Variants in DHX57 observed in about 807,000 individuals in gnomAD.
DHX57 encodes the protein DExH-box helicase 57.
In DHX57, 105 loss-of-function variants were observed where a neutral mutation model predicts 156.2. The observed-to-expected ratio is 0.67, with a 90% confidence interval of 0.57 to 0.79. The LOEUF is 0.79. Ranked by LOEUF, DHX57 falls within the 30% of genes least tolerant of loss-of-function variation. DHX57 has a pLI of 0.00. For missense variants in DHX57, 1,847 were observed against 1,661.9 expected, an observed-to-expected ratio of 1.11 and a Z score of -1.94; for synonymous variants, 704 against 595.6, an observed-to-expected ratio of 1.18 and a Z score of -2.65.
chr2:38,799,375 GA>G (rs569876300), intron 23 of DHX57, among the ~76,000 whole-genome samples: 1 of 51,310 alleles, frequency 1.9e-5, no homozygotes, highest in Admixed American at 2.4e-4. Flanking sequence ...TCAAAAAAAA[GA>G]AAAAAAAAGG....
At chr2:38,820,007 A>G (rs1159097967) in intron 17 of DHX57, among the ~76,000 whole-genome samples, 1 of 152,180 alleles carries the variant, frequency 6.6e-6, no homozygotes, top group Non-Finnish European at 1.5e-5. Context: ...CTACCTTCTC[A>G]GGCTCTAAAG....
chr2:38,816,249 C>G, intron 19 of DHX57: 1 of 464,254 alleles, frequency 2.2e-6, no homozygotes, highest in South Asian at 1.6e-5. Context: ...GAGTCTTGCT[C>G]TGTCATCCAG....
chr2:38,807,924 G>A (rs1336526248), intron 21 of DHX57, among the ~76,000 whole-genome samples: 10 of 147,674 alleles, frequency 6.8e-5, no homozygotes, highest in African/African-American at 2.5e-4. Context: ...GGGATTACAG[G>A]CGTGAGCCAC....
intron 19 of DHX57, among the ~76,000 whole-genome samples, chr2:38,818,299 G>A (rs983396260): frequency 6.6e-6 from 1 of 152,126 alleles, no homozygotes; most frequent in African/African-American, 2.4e-5. Context: ...GGCCAAGGTG[G>A]GCGGATCATG....
At chr2:38,802,480 G>A (rs1265789499) in intron 23 of DHX57, among the ~76,000 whole-genome samples, 1 of 152,000 alleles carries the variant, frequency 6.6e-6, no homozygotes, top group Non-Finnish European at 1.5e-5. Flanking sequence ...TAGAGACGGG[G>A]TTTGACCATG....
At chr2:38,875,459 G>A (rs554922235) in intron 1 of DHX57, among the ~76,000 whole-genome samples, 223 of 152,218 alleles carry the variant, frequency 1.5e-3, no homozygotes, top group Admixed American at 3.4e-3. Flanking sequence ...CACAGACGGA[G>A]TCAGAGAACG....
intron 17 of DHX57, among the ~76,000 whole-genome samples, chr2:38,820,545 G>C (rs1201767911): frequency 6.6e-6 from 1 of 152,110 alleles, no homozygotes; most frequent in Non-Finnish European, 1.5e-5. Context: ...TTGATACTGT[G>C]TACCCCCAGC....
chr2:38,804,880 C>G (rs1217793534), intron 22 of DHX57, among the ~76,000 whole-genome samples: 1 of 152,190 alleles, frequency 6.6e-6, no homozygotes, highest in Non-Finnish European at 1.5e-5. Context: ...CCTCTCCTGT[C>G]ACTCTCTGTC....
chr2:38,867,156 T>A (rs897191840), intron 2 of DHX57: 3 of 152,210 alleles, frequency 2.0e-5, no homozygotes, highest in Non-Finnish European at 1.5e-5. Flanking sequence ...ACATGCTGTA[T>A]AGATTTGTAG....
Position 38,798,224 on chromosome 2 carries a change from G to T in DHX57, c.*75C>A. 6.5e-7 allele frequency: 1 copy of T among 1,541,316 alleles called. No individual in the cohort carries two copies. Among genetic ancestry groups the T allele is most frequent in the Non-Finnish European group, 8.7e-7 (1 of 1,147,034 alleles). ...GCCAGCCCCAATAGGTCTTTAGTTC[G>T]AGGTAGAGGTTCTGCTGTTATTTCC... On this transcript the variant is annotated 3_prime_UTR_variant, in exon 24 of 24. Coordinates refer to ENST00000457308, the MANE Select transcript of DHX57 (RefSeq NM_198963.3).
intron 1 of DHX57, among the ~76,000 whole-genome samples, chr2:38,871,125 G>A (rs1310639748): frequency 1.3e-5 from 2 of 152,040 alleles, no homozygotes; most frequent in Non-Finnish European, 2.9e-5. Context: ...AGGTAATTGA[G>A]TAATTATTTT....
chr2:38,857,929 A>T (rs1444940687), intron 6 of DHX57, among the ~76,000 whole-genome samples: 1 of 152,108 alleles, frequency 6.6e-6, no homozygotes, highest in East Asian at 1.9e-4. Flanking sequence ...GTTTTTAGAG[A>T]CAGGGACTCA....
intron 23 of DHX57, among the ~76,000 whole-genome samples, chr2:38,802,379 C>T (rs1669723646): frequency 6.6e-6 from 1 of 151,878 alleles, no homozygotes; most frequent in Non-Finnish European, 1.5e-5. Context: ...CCTCTGCCCC[C>T]TAGGTTCAAG....
intron 1 of DHX57, among the ~76,000 whole-genome samples, chr2:38,873,150 C>A (rs1174105683): frequency 6.6e-6 from 1 of 152,092 alleles, no homozygotes; most frequent in East Asian, 1.9e-4. Context: ...ACCATGCTCC[C>A]TGACTAATTT....
chr2:38,866,193 C>T (rs777985756), intron 2 of DHX57, among the ~76,000 whole-genome samples: 4 of 152,220 alleles, frequency 2.6e-5, no homozygotes, highest in African/African-American at 4.8e-5. Context: ...CTCCAAAGGC[C>T]TTCTGTCTTA....
chr2:38,798,519 A>G (rs761848925), intron 23 of DHX57, 77 bp from the exon 24 acceptor site: 10 of 1,448,416 alleles, frequency 6.9e-6, no homozygotes, highest in Non-Finnish European at 9.2e-6. Flanking sequence ...TACCCAAGTT[A>G]TGATTACCAT....
Position 38,862,233 on chromosome 2 carries a change from C to A in DHX57, c.484G>T (p.Asp162Tyr), listed in dbSNP as rs577178168. 6.2e-7 allele frequency: 1 copy of A among 1,613,992 alleles called. No homozygotes were observed. Among genetic ancestry groups the A allele is most frequent in the South Asian group, 1.1e-5 (1 of 91,050 alleles). ...GQEPSLVPDL[D>Y]PLEYAGLASV... ...GCTAAGCCAGCATATTCCAAAGGAT[C>A]CAAGTCGGGAACGAGGGAAGGTTCC... Residue 162 changes from aspartate to tyrosine, a missense_variant, in exon 4 of 24, where the codon GAT (aspartate) becomes TAT (tyrosine). Asp to Tyr is a radical substitution (Grantham distance 160). Coordinates refer to ENST00000457308, the MANE Select transcript of DHX57 (RefSeq NM_198963.3).
Position 38,809,457 on chromosome 2 carries a change from TTTTTTTTTTTTC to T in DHX57, c.3682-2776_3682-2765del, listed in dbSNP as rs1307517635. ...AGTAAAAAGAGGCTATTTCTTTCTG[TTTTTTTTTTTTC>T]TTTTTTTTTTTAGACGGAGTCTTGC... On this transcript the variant is annotated intron_variant, in intron 21 of 23. Transcript: ENST00000457308. 2.1e-4 allele frequency among the ~76,000 whole-genome samples: 20 copies of T among 94,764 alleles called. No individual in the cohort carries two copies. The East Asian group carries it at 0.011, about 54-fold the overall frequency. 62.2% of individuals were successfully genotyped at this position (94,764 alleles called of 152,430 possible). A position where few individuals can be genotyped will look rare whatever the true frequency, so the allele number is the denominator to read the frequency against.
At chr2:38,834,751 C>T (rs183282749) in intron 13 of DHX57, among the ~76,000 whole-genome samples, 147 of 152,166 alleles carry the variant, frequency 9.7e-4, no homozygotes, top group African/African-American at 3.4e-3. Flanking sequence ...GGTCTATAAC[C>T]GTGGTTGCCT....
Sources: allele counts gnomAD v4.1 joint callset (sites outside exome capture counted in the v4.1 genomes callset), GRCh38; gene constraint gnomAD v4.1.1; transcripts MANE v1.5; gene names NCBI Gene and HGNC (gene_info 2026-07-23, HGNC 2026-07-21).